Variants in ATP1B2 observed in about 807,000 individuals in gnomAD.
ATP1B2 encodes sodium/potassium-transporting ATPase subunit beta-2.
A neutral mutation model predicts 37.3 loss-of-function variants in ATP1B2; 12 were observed. That is an observed-to-expected ratio of 0.32 (90% CI 0.21 to 0.52). ATP1B2 has a LOEUF of 0.52. ATP1B2 is among the 20% of genes least tolerant of loss of function. The pLI is 0.96. For missense variants in ATP1B2, 324 were observed against 391.6 expected, an observed-to-expected ratio of 0.83 and a Z score of 1.46; for synonymous variants, 139 against 140.5, an observed-to-expected ratio of 0.99 and a Z score of 0.07.
upstream of ATP1B2, among the ~76,000 whole-genome samples, chr17:7,649,911 C>T (rs1023710408): frequency 1.3e-5 from 2 of 152,082 alleles, no homozygotes; most frequent in African/African-American, 4.8e-5. Flanking sequence ...CAAGGCTAGT[C>T]TCGAACTCCT....
chr17:7,650,129 C>T (rs1263174334), upstream of ATP1B2, among the ~76,000 whole-genome samples: 1 of 152,134 alleles, frequency 6.6e-6, no homozygotes, highest in Non-Finnish European at 1.5e-5. Context: ...TAGAGGTGCT[C>T]AATAAATGTT....
upstream of ATP1B2, among the ~76,000 whole-genome samples, chr17:7,648,450 T>C (rs2072588163): frequency 6.7e-6 from 1 of 150,050 alleles, no homozygotes; most frequent in South Asian, 2.1e-4. Flanking sequence ...GTGGTGGTAG[T>C]CCCAGCTACC....
chr17:7,650,893 G>C (rs183268055), upstream of ATP1B2, among the ~76,000 whole-genome samples: 1,188 of 152,286 alleles, frequency 7.8e-3, 9 homozygotes, highest in Non-Finnish European at 0.012. Flanking sequence ...GAGCCGCAGA[G>C]TATAAAGACC....
upstream of ATP1B2, among the ~76,000 whole-genome samples, chr17:7,650,366 A>G (rs975582860): frequency 6.6e-6 from 1 of 151,964 alleles, no homozygotes; most frequent in South Asian, 2.1e-4. Context: ...GAGATTGGAG[A>G]AGGAGGCGTC....
intron 1 of ATP1B2, among the ~76,000 whole-genome samples, chr17:7,653,138 C>G (rs756124706): frequency 6.6e-6 from 1 of 152,162 alleles, no homozygotes; most frequent in East Asian, 1.9e-4. Flanking sequence ...TCCACAAGGT[C>G]GGGCTTCACT....
intron 2 of ATP1B2, 73 bp from the exon 3 acceptor site, chr17:7,653,768 G>A: frequency 6.8e-7 from 1 of 1,466,204 alleles, no homozygotes; most frequent in Non-Finnish European, 9.5e-7. Flanking sequence ...TGTTCCCTGT[G>A]TCCATTTTCT....
At position 7,656,835 on chromosome 17, in the gene ATP1B2, C is replaced by CTTTTTTTTTT. The variant is rs71159518; in HGVS notation, c.*946_*955dup. 1 of 136,692 alleles carries CTTTTTTTTTT rather than the reference C, an allele frequency of 7.3e-6. No homozygotes were observed. Among genetic ancestry groups the CTTTTTTTTTT allele is most frequent in the Non-Finnish European group, 1.6e-5 (1 of 64,380 alleles). The allele number at this position is 136,692 out of a possible 1,614,324, so 8.5% of individuals were successfully genotyped here. ...CCATGCCCGGCTAATTTCTTTCTTT[C>CTTTTTTTTTT]TTTTTTTTTTTTTTTGCATTTTTTA... On this transcript the variant is annotated 3_prime_UTR_variant, in exon 7 of 7. Coordinates refer to ENST00000250111, the MANE Select transcript of ATP1B2 (RefSeq NM_001678.5).
At position 7,654,288 on chromosome 17, in the gene ATP1B2, G is replaced by A. The variant is rs747736011; in HGVS notation, c.552+31G>A. 4 of 1,610,100 alleles carry A rather than the reference G, an allele frequency of 2.5e-6. No individual in the cohort carries two copies. Among genetic ancestry groups the A allele is most frequent in the Non-Finnish European group, 3.4e-6 (4 of 1,177,144 alleles). ...TATGACCTTGGTCCCCAGGGTGAAT[G>A]GAGGAAGGATCTGGGGACACCACCT... On this transcript the variant is annotated intron_variant, in intron 4 of 6. Coordinates refer to ENST00000250111, the MANE Select transcript of ATP1B2 (RefSeq NM_001678.5). This position sits in a 1 kb window ranked among gnomAD's most constrained non-coding sequence, Gnocchi z 4.9.
upstream of ATP1B2, among the ~76,000 whole-genome samples, chr17:7,649,456 C>G (rs112669460): frequency 6.6e-6 from 1 of 152,004 alleles, no homozygotes; most frequent in African/African-American, 2.4e-5. Flanking sequence ...GGCGTGATCT[C>G]AGCTCACTGC....
rs748042725 is a variant in ATP1B2 at position 7,655,557 on chromosome 17, T to C, written c.640T>C (p.Phe214Leu). 1.2e-5 allele frequency: 19 copies of C among 1,614,036 alleles called. No individual in the cohort carries two copies. The highest frequency in any genetic ancestry group is 1.5e-5 in the Non-Finnish European group (18 of 1,180,026). Residue 214 changes from phenylalanine (F) to leucine (L), a missense_variant, in exon 6 of 7, where the codon TTC becomes CTC. Phe to Leu is a conservative substitution (Grantham distance 22). Coordinates refer to ENST00000250111, the MANE Select transcript of ATP1B2 (RefSeq NM_001678.5). This position sits in a 1 kb window ranked among gnomAD's most constrained non-coding sequence, Gnocchi z 4.4. Reference protein sequence around the residue: ...RDEDAENLGNFVMFPANGNID... With the variant: ...RDEDAENLGNLVMFPANGNID... ...TGAAGATGCTGAGAATCTCGGCAACTTCGTCATGTTCCCCGCCAACGGCAA... is the reference window on the plus strand; with the variant it reads ...TGAAGATGCTGAGAATCTCGGCAACCTCGTCATGTTCCCCGCCAACGGCAA...
upstream of ATP1B2, among the ~76,000 whole-genome samples, chr17:7,649,809 C>T (rs1179844128): frequency 1.3e-5 from 2 of 152,068 alleles, no homozygotes; most frequent in Non-Finnish European, 2.9e-5. Flanking sequence ...CCACCCACCT[C>T]GGCCTCCCAA....
intron 1 of ATP1B2, 27 bp from the exon 2 acceptor site, chr17:7,653,347 C>T (rs1184962349): frequency 1.9e-6 from 3 of 1,613,656 alleles, no homozygotes; most frequent in Non-Finnish European, 2.5e-6. Context: ...ACCTTGGGCC[C>T]TGCTGACCCT....
rs543498145 is a variant in ATP1B2, at chr17:7,653,194, G to C, written c.113-180G>C. On this transcript the variant is annotated intron_variant, in intron 1 of 6. Transcript: ENST00000250111. ...GGCTGGGAGTCATGGCTAGAAGCCA[G>C]ACACAACTGCCTGTTTCCAGTTTGT... Among the ~76,000 whole-genome samples the C allele has an allele frequency of 6.8e-4, 104 of 152,248 alleles. 2 individuals are homozygous for C. In the South Asian group the frequency reaches 0.015, roughly 22 times the overall value.
intron 1 of ATP1B2, among the ~76,000 whole-genome samples, chr17:7,652,948 AGT>A (rs2072623405): frequency 6.6e-6 from 1 of 152,180 alleles, no homozygotes. Flanking sequence ...CTGAGGGTCC[AGT>A]CTCTGCGGGG....
chr17:7,653,846 A>C lies in ATP1B2; in HGVS notation c.247A>C (p.Met83Leu), dbSNP rs1483404421. The change falls in exon 3 of 7, where the codon ATG becomes CTG. Residue 83 changes from methionine to leucine, a missense_variant. Transcript: ENST00000250111. ...TCTGCCTTTGTTGGCTGTAGGCTTG[A>C]TGATTCGCCCCAAGACTGAGAACCT... ...YQDRLATPGL[M>L]IRPKTENLDV... 1 of 1,613,954 alleles carries C rather than the reference A, an allele frequency of 6.2e-7. No homozygotes were observed. Among genetic ancestry groups the C allele is most frequent in the East Asian group, 2.2e-5 (1 of 44,894 alleles).
chr17:7,651,505 C>T lies in ATP1B2; in HGVS notation c.-14C>T. ...CCCCCCGCCCCGCGCCCGGACTCGC[C>T]CCGCGCCACCAAGATGGTCATCCAG... is the stretch of plus-strand genomic sequence containing the variant. On this transcript the variant is annotated 5_prime_UTR_variant, in exon 1 of 7. Coordinates refer to ENST00000250111, the MANE Select transcript of ATP1B2 (RefSeq NM_001678.5). 6.4e-7 allele frequency: 1 copy of T among 1,574,102 alleles called. No individual in the cohort carries two copies. The highest frequency in any genetic ancestry group is 8.6e-7 in the Non-Finnish European group (1 of 1,160,696).
chr17:7,653,643 AC>A, intron 2 of ATP1B2, 141 bp downstream of exon 2: 2 of 1,417,016 alleles, frequency 1.4e-6, no homozygotes, highest in Non-Finnish European at 1.9e-6. Flanking sequence ...AAATCTGTCC[AC>A]CTTCCCATTT....
Position 7,653,488 on chromosome 17 carries a change from G to A in ATP1B2, c.227G>A (p.Arg76Gln), listed in dbSNP as rs755969286. 9 of 1,613,910 alleles carry A rather than the reference G, an allele frequency of 5.6e-6. No individual in the cohort carries two copies. Among genetic ancestry groups the A allele is most frequent in the South Asian group, 3.3e-5 (3 of 91,070 alleles). ...VSDHTPKYQDRLATPGLMIRP... is the reference protein window; with the variant it reads ...VSDHTPKYQDQLATPGLMIRP... ...GACCATACCCCCAAGTACCAGGACCGACTGGCCACACCGGGTGAGTGTGGA... is the reference window on the plus strand; with the variant it reads ...GACCATACCCCCAAGTACCAGGACCAACTGGCCACACCGGGTGAGTGTGGA... The change falls in exon 2 of 7, where the codon CGA becomes CAA. Residue 76 changes from arginine (R) to glutamine (Q), a missense_variant. Physicochemically the swap from Arg to Gln is conservative, Grantham distance 43 (BLOSUM62 1). Transcript: ENST00000250111.
chr17:7,651,760 G>A, intron 1 of ATP1B2, 130 bp downstream of exon 1: 1 of 771,182 alleles, frequency 1.3e-6, no homozygotes, highest in South Asian at 2.0e-5. Flanking sequence ...CCGGGCTCTG[G>A]GCTGGGAGGG....
Sources: allele counts gnomAD v4.1 joint callset (sites outside exome capture counted in the v4.1 genomes callset), GRCh38; gene constraint gnomAD v4.1.1; non-coding constraint Gnocchi (gnomAD v3.1); transcripts MANE v1.5; gene names NCBI Gene and HGNC (gene_info 2026-07-23, HGNC 2026-07-21).